The following FSTL5 variants were observed in gnomAD, a reference collection of about 807,000 sequenced individuals.
FSTL5 encodes the protein follistatin like 5, also known as follistatin-related protein 5.
Under a neutral mutation model 89.1 loss-of-function variants are expected in FSTL5, and 62 were observed. That is an observed-to-expected ratio of 0.70 (90% CI 0.57 to 0.86). The LOEUF is 0.86. FSTL5 is among the 40% of genes least tolerant of loss of function. FSTL5 has a pLI of 0.00. For synonymous variants in FSTL5, 383 were observed against 346.2 expected, an observed-to-expected ratio of 1.11 and a Z score of -1.18; for missense variants, 1,057 against 1,001.6, an observed-to-expected ratio of 1.06 and a Z score of -0.75.
At chr4:161,829,089 A>C (rs1730757807) in intron 4 of FSTL5, among the ~76,000 whole-genome samples, 1 of 148,846 alleles carries the variant, frequency 6.7e-6, no homozygotes, top group Non-Finnish European at 1.5e-5. Flanking sequence ...TGATAAATGT[A>C]ATTTTTTCAA....
At chr4:161,905,082 T>C (rs907404201) in intron 4 of FSTL5, among the ~76,000 whole-genome samples, 2 of 152,060 alleles carry the variant, frequency 1.3e-5, no homozygotes, top group African/African-American at 2.4e-5. Flanking sequence ...ATCATATAAA[T>C]GGGCAGTTGG....
Position 161,451,973 on chromosome 4 carries a change from C to G in FSTL5, c.1841+3031G>C, listed in dbSNP as rs567349127. On this transcript the variant is annotated intron_variant, in intron 15 of 15. Transcript: ENST00000306100. ...TATAAATTATTTGAAATAAGTGTAC[C>G]AGCATGAGAGAAAAGCAGATTAATG... 2.8e-4 allele frequency among the ~76,000 whole-genome samples: 42 copies of G among 152,164 alleles called. 1 individual carries two copies. The East Asian group carries it at 7.9e-3, about 29-fold the overall frequency.
At chr4:161,853,469 T>C (rs552052214) in intron 4 of FSTL5, among the ~76,000 whole-genome samples, 20 of 152,244 alleles carry the variant, frequency 1.3e-4, no homozygotes, top group African/African-American at 4.8e-4. Flanking sequence ...GGTTTCATCA[T>C]GTTGGCCAGG....
intron 6 of FSTL5, among the ~76,000 whole-genome samples, chr4:161,712,638 G>T (rs1158136879): frequency 6.6e-6 from 1 of 152,140 alleles, no homozygotes; most frequent in African/African-American, 2.4e-5. Context: ...AACATTGGAG[G>T]TGGGCCTAGC....
intron 6 of FSTL5, among the ~76,000 whole-genome samples, chr4:161,724,152 G>T (rs1448583555): frequency 6.6e-6 from 1 of 152,026 alleles, no homozygotes; most frequent in Non-Finnish European, 1.5e-5. Context: ...AATAAATAAT[G>T]TTGAGGAAAA....
intron 2 of FSTL5, among the ~76,000 whole-genome samples, chr4:162,053,624 A>G (rs749579158): frequency 4.0e-5 from 6 of 151,806 alleles, no homozygotes; most frequent in Non-Finnish European, 8.9e-5. Flanking sequence ...ATGTTTAAGG[A>G]GATACAGAGA....
At chr4:161,691,931 T>C (rs891473470) in intron 6 of FSTL5, among the ~76,000 whole-genome samples, 2 of 152,016 alleles carry the variant, frequency 1.3e-5, no homozygotes, top group African/African-American at 4.8e-5. Context: ...GTGCATTCTT[T>C]GGACTATATA....
intron 2 of FSTL5, among the ~76,000 whole-genome samples, chr4:162,093,960 A>T (rs1433939585): frequency 6.6e-6 from 1 of 152,162 alleles, no homozygotes; most frequent in Non-Finnish European, 1.5e-5. Flanking sequence ...CAGCAATAAT[A>T]TATCATCTGC....
chr4:161,846,169 G>A (rs565163607), intron 4 of FSTL5, among the ~76,000 whole-genome samples: 53 of 152,064 alleles, frequency 3.5e-4, no homozygotes, highest in Middle Eastern at 3.4e-3. Context: ...GGTTTATAAT[G>A]TTATTATTGT....
intron 1 of FSTL5, among the ~76,000 whole-genome samples, chr4:162,113,751 T>C (rs547608695): frequency 1.3e-5 from 2 of 152,258 alleles, no homozygotes; most frequent in African/African-American, 4.8e-5. Flanking sequence ...CCTGCCCCAT[T>C]TATCACCCAA....
intron 3 of FSTL5, chr4:162,022,744 C>T (rs1015936604): frequency 2.0e-5 from 3 of 152,062 alleles, no homozygotes. Context: ...GGATTCTAAA[C>T]CCCTGGAAAG....
intron 10 of FSTL5, among the ~76,000 whole-genome samples, chr4:161,515,470 G>A (rs947049696): frequency 6.6e-6 from 1 of 151,950 alleles, no homozygotes; most frequent in Non-Finnish European, 1.5e-5. Flanking sequence ...GCCTCCCAGA[G>A]TGCTGGGATT....
intron 15 of FSTL5, among the ~76,000 whole-genome samples, chr4:161,439,429 C>T (rs551323242): frequency 4.6e-5 from 7 of 152,230 alleles, no homozygotes; most frequent in South Asian, 4.1e-4. Context: ...TTCTCAGCTC[C>T]GCAATTCAAT....
At chr4:161,711,008 C>T (rs1486491080) in intron 6 of FSTL5, among the ~76,000 whole-genome samples, 6 of 151,946 alleles carry the variant, frequency 3.9e-5, no homozygotes, top group African/African-American at 1.2e-4. Context: ...AACAAAAATA[C>T]GGCATATCAA....
chr4:161,835,788 A>C (rs551219265), intron 4 of FSTL5, among the ~76,000 whole-genome samples: 74 of 152,236 alleles, frequency 4.9e-4, no homozygotes, highest in African/African-American at 1.6e-3. Context: ...GGCAATCATT[A>C]AAAAGTCAGG....
At chr4:161,449,498 C>T (rs112333595) in intron 15 of FSTL5, among the ~76,000 whole-genome samples, 136 of 152,268 alleles carry the variant, frequency 8.9e-4, no homozygotes, top group African/African-American at 3.1e-3. Context: ...AATAGCATCA[C>T]CCAAGTTTAT....
intron 4 of FSTL5, among the ~76,000 whole-genome samples, chr4:161,865,111 G>C (rs776428992): frequency 1.6e-4 from 25 of 151,948 alleles, no homozygotes; most frequent in Non-Finnish European, 2.6e-4. Flanking sequence ...CATGAAAACA[G>C]GGCCAGTTTT....
At chr4:161,482,046 C>T (rs1031677557) in intron 12 of FSTL5, among the ~76,000 whole-genome samples, 27 of 152,142 alleles carry the variant, frequency 1.8e-4, no homozygotes, top group African/African-American at 5.6e-4. Flanking sequence ...GCAGGCCGGG[C>T]GTGGTGGCTC....
At chr4:161,913,077 A>G (rs2314274) in intron 4 of FSTL5, among the ~76,000 whole-genome samples, 124,912 of 152,122 alleles carry the variant, frequency 0.82, 52,100 homozygotes, top group Non-Finnish European at 0.9. Context: ...GCCATAAAAA[A>G]CATTCCATTT....
Sources: gnomAD v4.1 joint callset for allele counts (sites outside exome capture counted in the v4.1 genomes callset) on GRCh38, gnomAD v4.1.1 for gene constraint, MANE v1.5 for transcripts, NCBI Gene and HGNC (gene_info 2026-07-23, HGNC 2026-07-21) for gene names.